CNNM2: variants seen among roughly 807,000 people sequenced by gnomAD.
The protein encoded by CNNM2 is cyclin and CBS domain divalent metal cation transport mediator 2, also known as metal transporter CNNM2.
CNNM2 carries 12 observed loss-of-function variants against 66.9 expected under a neutral mutation model. The observed-to-expected ratio is 0.18, with a 90% CI of 0.11 to 0.29. CNNM2 has a LOEUF of 0.29. Among genes scored for constraint, CNNM2 ranks in the 10% least tolerant of loss-of-function variants. CNNM2 has a pLI of 1.00. For synonymous variants in CNNM2, 557 were observed against 501.8 expected (o/e 1.11, Z -1.47); for missense variants, 705 against 1,167.7 (o/e 0.60, Z 5.77).
At chr10:102,951,715 C>T (rs765000697) in intron 1 of CNNM2, among the ~76,000 whole-genome samples, 3 of 150,166 alleles carry the variant, frequency 2.0e-5, no homozygotes, top group South Asian at 2.1e-4. Flanking sequence ...CCTAGCTCAC[C>T]GCAATATTGA....
intron 1 of CNNM2, among the ~76,000 whole-genome samples, chr10:103,030,219 A>C (rs139526355): frequency 6.6e-6 from 1 of 152,220 alleles, no homozygotes; most frequent in East Asian, 1.9e-4. Context: ...TGCCATCCCA[A>C]AGAACTTAAA....
chr10:103,051,053 TGGC>T (rs1227501862), intron 2 of CNNM2, among the ~76,000 whole-genome samples: 1 of 152,106 alleles, frequency 6.6e-6, no homozygotes, highest in Admixed American at 6.5e-5. Context: ...AAGCATGGCT[TGGC>T]GGAGGGGAAA....
intron 1 of CNNM2, among the ~76,000 whole-genome samples, chr10:102,990,294 C>G (rs1395623208): frequency 6.6e-6 from 1 of 151,902 alleles, no homozygotes; most frequent in Non-Finnish European, 1.5e-5. Flanking sequence ...CTTAAACTTT[C>G]AAGTAGACAG....
intron 1 of CNNM2, among the ~76,000 whole-genome samples, chr10:102,966,477 A>C: frequency 6.6e-6 from 1 of 152,062 alleles, no homozygotes; most frequent in South Asian, 2.1e-4. Flanking sequence ...AAATATACAA[A>C]ACAGCCGGGC....
At chr10:102,953,985 AG>A (rs1846937760) in intron 1 of CNNM2, among the ~76,000 whole-genome samples, 1 of 152,200 alleles carries the variant, frequency 6.6e-6, no homozygotes, top group Non-Finnish European at 1.5e-5. Context: ...AGGAAACCAA[AG>A]CTCAGAAAGG....
chr10:103,054,341 C>A lies in CNNM2; in HGVS notation c.1778C>A (p.Thr593Lys). ...ATTCCTCCCTTAGCTGACAACAGAACGAAAAAGAAAGTGGCTCACCGGGAA... is the reference window on the plus strand; with the variant it reads ...ATTCCTCCCTTAGCTGACAACAGAAAGAAAAAGAAAGTGGCTCACCGGGAA... ...DETDLYTDNRTKKKVAHRERK... is the reference protein window; with the variant it reads ...DETDLYTDNRKKKKVAHRERK... The change falls in exon 3 of 8, where the codon ACG becomes AAG. Residue 593 changes from threonine to lysine, a missense_variant. By Grantham distance (78) the Thr-to-Lys change is moderately conservative (BLOSUM62 -1). Coordinates refer to ENST00000369878, the MANE Select transcript of CNNM2 (RefSeq NM_017649.5). This position sits in a 1 kb window ranked among gnomAD's most constrained non-coding sequence, Gnocchi z 5.2. 1 of 1,613,526 alleles carries A rather than the reference C, an allele frequency of 6.2e-7. No homozygotes were observed. Among genetic ancestry groups the A allele is most frequent in the Non-Finnish European group, 8.5e-7 (1 of 1,179,736 alleles).
rs6584533 is a variant in CNNM2 at position 102,932,785 on chromosome 10, T to C, written c.1621+12684T>C. ...ATACAAAAATTAGCCAGCGTGGTGG[T>C]GCATGCCTGTAGTCCCAGCTGATGA... On this transcript the variant is annotated intron_variant, in intron 1 of 7. Coordinates refer to ENST00000369878, the MANE Select transcript of CNNM2 (RefSeq NM_017649.5). 0.41 allele frequency among the ~76,000 whole-genome samples: 61,820 copies of C among 151,732 alleles called. 12,800 individuals carry two copies. The highest frequency in any genetic ancestry group is 0.56 in the East Asian group (2,879 of 5,148).
intron 1 of CNNM2, among the ~76,000 whole-genome samples, chr10:103,006,053 T>C (rs1450475137): frequency 6.6e-6 from 1 of 152,216 alleles, no homozygotes; most frequent in Non-Finnish European, 1.5e-5. Flanking sequence ...ATATTTCCTT[T>C]CCGAGGTTAT....
intron 1 of CNNM2, among the ~76,000 whole-genome samples, chr10:103,004,444 G>A (rs566449317): frequency 6.6e-6 from 1 of 152,298 alleles, no homozygotes; most frequent in African/African-American, 2.4e-5. Flanking sequence ...TTTCTGATAA[G>A]TGTGTGCCAG....
intron 1 of CNNM2, among the ~76,000 whole-genome samples, chr10:102,994,861 G>T (rs2063960203): frequency 1.3e-5 from 2 of 152,242 alleles, no homozygotes; most frequent in South Asian, 4.1e-4. Flanking sequence ...CCATGTTAGT[G>T]CATATGATTG....
chr10:102,918,489 C>T lies in CNNM2; in HGVS notation c.9C>T (p.Gly3=). ...GCTGGAGCAGCCACCCTATGATTGG[C>T]TGTGGCGCTTGTGAACCCAAAGTAA... The part of the protein sequence containing the change: MI[G]CGACEPKVKM... Residue 3 remains glycine (G), a synonymous_variant, in exon 1 of 8, where the codon GGC becomes GGT. Transcript: ENST00000369878. This position sits in a 1 kb window ranked among gnomAD's most constrained non-coding sequence, Gnocchi z 4.1. 2 of 1,606,778 alleles carry T rather than the reference C, an allele frequency of 1.2e-6. No individual in the cohort carries two copies. Among genetic ancestry groups the T allele is most frequent in the Non-Finnish European group, 1.7e-6 (2 of 1,178,222 alleles).
At chr10:103,011,242 C>T (rs1327038329) in intron 1 of CNNM2, among the ~76,000 whole-genome samples, 1 of 152,044 alleles carries the variant, frequency 6.6e-6, no homozygotes, top group African/African-American at 2.4e-5. Flanking sequence ...ATCACGAGGG[C>T]AGGAGTTCGA....
chr10:102,984,837 G>A (rs1384516869), intron 1 of CNNM2, among the ~76,000 whole-genome samples: 1 of 152,034 alleles, frequency 6.6e-6, no homozygotes, highest in Non-Finnish European at 1.5e-5. Flanking sequence ...AGTAGAGGTG[G>A]TGTTTCACCA....
chr10:102,983,073 T>C (rs1453530464), intron 1 of CNNM2, among the ~76,000 whole-genome samples: 1 of 152,082 alleles, frequency 6.6e-6, no homozygotes, highest in Non-Finnish European at 1.5e-5. Context: ...TTGTGGCTTA[T>C]TGTTTGTTCA....
chr10:102,941,671 G>A (rs1316885168), intron 1 of CNNM2, among the ~76,000 whole-genome samples: 3 of 152,140 alleles, frequency 2.0e-5, no homozygotes, highest in Admixed American at 2.0e-4. Context: ...CTTCAGATCT[G>A]TACTCAGATA....
In CNNM2 at chr10:103,087,140, A is replaced by ATTTTTTTTTTTTTTTTTTTTTTTTTTT. The variant is rs71019655; in HGVS notation, c.*9966_*9992dup. On this transcript the variant is annotated 3_prime_UTR_variant, in exon 8 of 8. Coordinates refer to ENST00000369878, the MANE Select transcript of CNNM2 (RefSeq NM_017649.5). ...TTCTCACGGTATAAAACTCCGCAGG[A>ATTTTTTTTTTTTTTTTTTTTTTTTTTT]TTTTTTTTTTTTTTTTTTTTTTTTT... 1.3e-5 allele frequency: 1 copy of ATTTTTTTTTTTTTTTTTTTTTTTTTTT among 75,380 alleles called. No homozygotes were observed. The allele number at this position is 75,380 out of a possible 1,614,324, so 4.7% of individuals were successfully genotyped here. A position where few individuals can be genotyped will look rare whatever the true frequency, so the allele number is the denominator to read the frequency against.
intron 1 of CNNM2, among the ~76,000 whole-genome samples, chr10:103,043,508 T>C (rs1309993482): frequency 1.3e-5 from 2 of 152,180 alleles, no homozygotes; most frequent in Non-Finnish European, 2.9e-5. Context: ...TATCTGTCAT[T>C]TAAAATTTGA....
Position 103,076,174 on chromosome 10 carries a change from A to G in CNNM2, c.2322A>G (p.Thr774=), listed in dbSNP as rs756002318. Reference sequence around the variant, plus strand: ...ACCGGATTGACGCCGTCACACCAACACTGGGGAGCAGCAATAACCAGCTCA... The same window carrying G: ...ACCGGATTGACGCCGTCACACCAACGCTGGGGAGCAGCAATAACCAGCTCA... ...RSDRIDAVTP[T]LGSSNNQLNS... is the part of the protein sequence containing the mutation. The change falls in exon 7 of 8, where the codon ACA becomes ACG. Residue 774 remains threonine (T), a synonymous_variant. Coordinates refer to ENST00000369878, the MANE Select transcript of CNNM2 (RefSeq NM_017649.5). 4.4e-6 allele frequency: 7 copies of G among 1,604,474 alleles called. No individual in the cohort carries two copies. The highest frequency in any genetic ancestry group is 3.4e-5 in the South Asian group (3 of 89,024).
intron 4 of CNNM2, among the ~76,000 whole-genome samples, chr10:103,065,518 T>G (rs1341932243): frequency 6.6e-6 from 1 of 152,230 alleles, no homozygotes; most frequent in Non-Finnish European, 1.5e-5. Flanking sequence ...AGTCTTGTTT[T>G]GGTTGTGCCT....
Sources: gnomAD v4.1 joint callset for allele counts (sites outside exome capture counted in the v4.1 genomes callset) on GRCh38, gnomAD v4.1.1 for gene constraint, Gnocchi (gnomAD v3.1) non-coding constraint, MANE v1.5 for transcripts, NCBI Gene and HGNC (gene_info 2026-07-23, HGNC 2026-07-21) for gene names.